The following NELL1 variants were observed in gnomAD, a reference collection of about 807,000 sequenced individuals.
NELL1 encodes the protein protein kinase C-binding protein NELL1.
Under a neutral mutation model 107.4 loss-of-function variants are expected in NELL1, and 76 were observed. The ratio of observed to expected loss-of-function variants is 0.71; its 90% CI spans 0.59 to 0.86. The LOEUF is 0.86. Ranked by LOEUF, NELL1 falls within the 40% of genes least tolerant of loss-of-function variation. The probability of loss-of-function intolerance (pLI) is 0.00; values close to 1 mark genes in which losing one functional copy is unlikely to be tolerated. For synonymous variants in NELL1, 353 were observed against 341.2 expected (o/e 1.03, Z -0.38); for missense variants, 1,024 against 1,005.5 (o/e 1.02, Z -0.25).
At chr11:21,467,502 C>T (rs574534251) in intron 15 of NELL1, among the ~76,000 whole-genome samples, 2 of 152,106 alleles carry the variant, frequency 1.3e-5, no homozygotes, top group Admixed American at 1.3e-4. Flanking sequence ...AGTGTTGGCA[C>T]TATGTCAGTT....
At chr11:20,985,166 A>G (rs540022545) in intron 12 of NELL1, among the ~76,000 whole-genome samples, 14 of 152,338 alleles carry the variant, frequency 9.2e-5, no homozygotes, top group African/African-American at 3.4e-4. Context: ...TTCTTTGAAT[A>G]GTAGAAAATT....
intron 14 of NELL1, among the ~76,000 whole-genome samples, chr11:21,288,770 C>T (rs952254525): frequency 9.2e-5 from 14 of 152,100 alleles, no homozygotes; most frequent in African/African-American, 3.4e-4. Flanking sequence ...GTAGATTAGT[C>T]GGGGGGTTCT....
At chr11:21,528,284 C>T (rs1199171092) in intron 15 of NELL1, among the ~76,000 whole-genome samples, 1 of 152,066 alleles carries the variant, frequency 6.6e-6, no homozygotes, top group African/African-American at 2.4e-5. Context: ...TGATTTGTTC[C>T]CACCAAAATT....
intron 15 of NELL1, among the ~76,000 whole-genome samples, chr11:21,441,768 A>G (rs1183100168): frequency 1.3e-5 from 2 of 152,170 alleles, no homozygotes; most frequent in African/African-American, 2.4e-5. Flanking sequence ...TAGGTAGTAT[A>G]TCTTCACTAT....
intron 12 of NELL1, among the ~76,000 whole-genome samples, chr11:21,038,576 T>C (rs1246751845): frequency 1.3e-5 from 2 of 152,192 alleles, no homozygotes; most frequent in African/African-American, 4.8e-5. Flanking sequence ...AAGTTTTTCT[T>C]ACCAACTCAA....
At chr11:21,249,946 T>A (rs907644960) in intron 14 of NELL1, among the ~76,000 whole-genome samples, 23 of 152,232 alleles carry the variant, frequency 1.5e-4, no homozygotes, top group Admixed American at 5.2e-4. Context: ...TGATGTTTTT[T>A]AAAAAATCTT....
rs151337791 is a variant in NELL1, at chr11:21,368,012, G to A, written c.1550-2841G>A. On this transcript the variant is annotated intron_variant, in intron 14 of 19. Coordinates refer to ENST00000357134, the MANE Select transcript of NELL1 (RefSeq NM_006157.5). ...GAGCCTGTCCATATATGAATAATCCGTGCACAATCTTTAGACTAAGATACA... is the reference window on the plus strand; with the variant it reads ...GAGCCTGTCCATATATGAATAATCCATGCACAATCTTTAGACTAAGATACA... Among the ~76,000 whole-genome samples the A allele has an allele frequency of 6.3e-4, 96 of 152,118 alleles. 1 individual carries two copies. The East Asian group carries it at 0.017, about 26-fold the overall frequency.
chr11:21,141,735 C>A (rs987601900), intron 13 of NELL1, among the ~76,000 whole-genome samples: 2 of 145,790 alleles, frequency 1.4e-5, no homozygotes, highest in African/African-American at 2.5e-5. Context: ...CTCCTCTATC[C>A]TTTTTATTTA....
chr11:21,117,519 T>C (rs970059686), intron 13 of NELL1, among the ~76,000 whole-genome samples: 2 of 152,010 alleles, frequency 1.3e-5, no homozygotes, highest in Admixed American at 1.3e-4. Context: ...CTCACATCTG[T>C]CGTACCCACA....
chr11:20,928,451 T>G lies in NELL1; in HGVS notation c.969T>G (p.Ile323Met). The change falls in exon 9 of 20, where the codon ATT (isoleucine) becomes ATG (methionine). Residue 323 changes from isoleucine to methionine, a missense_variant. Ile to Met is a conservative substitution (Grantham distance 10). Coordinates refer to ENST00000357134, the MANE Select transcript of NELL1 (RefSeq NM_006157.5). ...CCCCAGACTCCCTCCCAGTGCACAT[T>G]GCTGGCCAGTGCTGTAAGGTCTGCC... ...NCSPDSLPVH[I>M]AGQCCKVCRP... is the part of the protein sequence containing the mutation. 1 of 1,613,968 alleles carries G rather than the reference T, an allele frequency of 6.2e-7. No homozygotes were observed.
rs150215415 is a variant in NELL1, at chr11:20,932,394, T to C, written c.997+3915T>C. 4.8e-3 allele frequency among the ~76,000 whole-genome samples: 729 copies of C among 152,268 alleles called. 3 individuals carry two copies. Among genetic ancestry groups the C allele is most frequent in the African/African-American group, 0.017 (697 of 41,548 alleles). On this transcript the variant is annotated intron_variant, in intron 9 of 19. Coordinates refer to ENST00000357134, the MANE Select transcript of NELL1 (RefSeq NM_006157.5). ...GTGAAAGAGGGAAAGGGGAATAGTG[T>C]GTTTGATGATAACACAGGATTTATG...
At chr11:20,813,223 G>A (rs911133752) in intron 3 of NELL1, among the ~76,000 whole-genome samples, 7 of 152,062 alleles carry the variant, frequency 4.6e-5, no homozygotes, top group Non-Finnish European at 8.8e-5. Flanking sequence ...GTCAGAGTCT[G>A]GGGAACATAT....
intron 13 of NELL1, among the ~76,000 whole-genome samples, chr11:21,155,652 T>C (rs1341472203): frequency 6.6e-6 from 1 of 152,110 alleles, no homozygotes; most frequent in East Asian, 1.9e-4. Context: ...TTGTGACCCT[T>C]GCCAAGAAAA....
chr11:21,366,796 T>C (rs1851232682), intron 14 of NELL1, among the ~76,000 whole-genome samples: 1 of 152,156 alleles, frequency 6.6e-6, no homozygotes, highest in African/African-American at 2.4e-5. Flanking sequence ...CAGATGGTGT[T>C]GAAATTTGTA....
intron 9 of NELL1, among the ~76,000 whole-genome samples, chr11:20,935,359 C>T (rs10734294): frequency 0.68 from 103,513 of 152,020 alleles, 36,767 homozygotes; most frequent in Admixed American, 0.8. Context: ...GGGTGGGAGG[C>T]TGCCAGTGGA....
chr11:20,891,391 C>T (rs1849614303), intron 5 of NELL1, among the ~76,000 whole-genome samples: 2 of 152,164 alleles, frequency 1.3e-5, no homozygotes, highest in Non-Finnish European at 2.9e-5. Context: ...AAAACTGGTA[C>T]CAGCCACTGC....
Position 20,965,873 on chromosome 11 carries a change from G to A in NELL1, c.1300+5313G>A, listed in dbSNP as rs1025558266. Among the ~76,000 whole-genome samples, 4 of 152,238 alleles carry A rather than the reference G, an allele frequency of 2.6e-5. No homozygotes were observed. The East Asian group carries it at 7.7e-4, about 29-fold the overall frequency. ...ACTAGACATGGAGACTAATGTAAAT[G>A]CACTTCTATAGAAACAAGATCCTGC... On this transcript the variant is annotated intron_variant, in intron 12 of 19. Transcript: ENST00000357134.
At chr11:21,301,293 A>G (rs1273086304) in intron 14 of NELL1, among the ~76,000 whole-genome samples, 2 of 152,118 alleles carry the variant, frequency 1.3e-5, no homozygotes, top group East Asian at 3.9e-4. Context: ...TGGTATTTCT[A>G]GTTTTAGATC....
chr11:21,197,362 A>G (rs1178677098), intron 13 of NELL1, among the ~76,000 whole-genome samples: 1 of 151,690 alleles, frequency 6.6e-6, no homozygotes, highest in Non-Finnish European at 1.5e-5. Context: ...GGAGAACAAA[A>G]TCTTGTTTCC....
Sources: gnomAD v4.1 joint callset for allele counts (sites outside exome capture counted in the v4.1 genomes callset) on GRCh38, gnomAD v4.1.1 for gene constraint, MANE v1.5 for transcripts, NCBI Gene and HGNC (gene_info 2026-07-23, HGNC 2026-07-21) for gene names.